Variants in CDC7 observed in about 807,000 individuals in gnomAD.
CDC7 encodes the protein cell division cycle 7, also known as cell division cycle 7-related protein kinase.
In CDC7, 34 loss-of-function variants were observed where a neutral mutation model predicts 53.5. The ratio of observed to expected loss-of-function variants is 0.64; its 90% CI spans 0.48 to 0.85. The LOEUF is 0.85. Among genes scored for constraint, CDC7 ranks in the 40% least tolerant of loss-of-function variants. CDC7 has a pLI of 0.00. For synonymous variants in CDC7, 211 were observed against 222.8 expected, an observed-to-expected ratio of 0.95 and a Z score of 0.47; for missense variants, 594 against 679.7, an observed-to-expected ratio of 0.87 and a Z score of 1.40.
chr1:91,521,392 C>T (rs1667938339), intron 11 of CDC7, among the ~76,000 whole-genome samples: 1 of 152,172 alleles, frequency 6.6e-6, no homozygotes, highest in Admixed American at 6.5e-5. Context: ...GTCTAATCTA[C>T]AAGAAAAACT....
intron 10 of CDC7, among the ~76,000 whole-genome samples, chr1:91,518,908 A>G (rs1667746980): frequency 6.6e-6 from 1 of 151,946 alleles, no homozygotes; most frequent in South Asian, 2.1e-4. Flanking sequence ...AAAAATACAA[A>G]AAAGTAGCTG....
chr1:91,510,437 A>T (rs1306387264), intron 4 of CDC7, among the ~76,000 whole-genome samples: 1 of 152,152 alleles, frequency 6.6e-6, no homozygotes, highest in African/African-American at 2.4e-5. Flanking sequence ...CTATTGCATC[A>T]CTAATGTCTA....
In CDC7 at chr1:91,514,972, A is replaced by G. The variant is rs781431772; in HGVS notation, c.1072A>G (p.Lys358Glu). ...SLTCDCYATD[K>E]VCSICLSRRQ... is the part of the protein sequence containing the mutation. ...GACCTGTGACTGCTATGCAACAGAT[A>G]AAGTTTGTAGTATTTGCCTTTCAAG... is the stretch of plus-strand genomic sequence containing the variant. The change falls in exon 9 of 12, where the codon AAA becomes GAA. Residue 358 changes from lysine (K) to glutamate (E), a missense_variant. Lys to Glu is a moderately conservative substitution (Grantham distance 56). Coordinates refer to ENST00000234626, the MANE Select transcript of CDC7 (RefSeq NM_003503.4). 1.9e-6 allele frequency: 3 copies of G among 1,612,026 alleles called. No homozygotes were observed. Among genetic ancestry groups the G allele is most frequent in the South Asian group, 1.1e-5 (1 of 90,608 alleles).
intron 2 of CDC7, among the ~76,000 whole-genome samples, chr1:91,504,818 A>G (rs1046213933): frequency 5.3e-5 from 8 of 152,224 alleles, no homozygotes; most frequent in African/African-American, 9.6e-5. Flanking sequence ...ATCCATGACA[A>G]GATATTGAAA....
chr1:91,507,174 G>T (rs578081692), intron 2 of CDC7, among the ~76,000 whole-genome samples: 8 of 152,248 alleles, frequency 5.3e-5, no homozygotes, highest in African/African-American at 1.9e-4. Flanking sequence ...GTAGAGCCTA[G>T]ATACTGTAAT....
chr1:91,511,458 T>C (rs1667281860), intron 4 of CDC7, 139 bp from the exon 5 acceptor site: 2 of 545,864 alleles, frequency 3.7e-6, no homozygotes, highest in Non-Finnish European at 6.6e-6. Flanking sequence ...TCACTTGTGT[T>C]TATATTATGT....
At chr1:91,517,361 A>G (rs1374070740) in intron 10 of CDC7, among the ~76,000 whole-genome samples, 1 of 152,156 alleles carries the variant, frequency 6.6e-6, no homozygotes, top group East Asian at 1.9e-4. Flanking sequence ...GAAGGGTTAG[A>G]AAGGCAGAGC....
At chr1:91,520,495 CTG>C (rs56689526) in intron 11 of CDC7, among the ~76,000 whole-genome samples, 4 of 152,228 alleles carry the variant, frequency 2.6e-5, no homozygotes, top group African/African-American at 9.6e-5. Flanking sequence ...AAGTAATACA[CTG>C]TTGCAGTATT....
rs1173784010 is a variant in CDC7, at chr1:91,524,191, A to G, written c.1481A>G (p.Asp494Gly). The part of the protein sequence containing the change: ...SHQPAISEKT[D>G]HKASCLVQTP... ...CAACCAGCTATTTCAGAGAAGACTG[A>G]CCATAAAGCTTCTTGCCTCGTTCAA... The change falls in exon 12 of 12, where the codon GAC (aspartate) becomes GGC (glycine). Residue 494 changes from aspartate to glycine, a missense_variant. By Grantham distance (94) the Asp-to-Gly change is moderately conservative. Coordinates refer to ENST00000234626, the MANE Select transcript of CDC7 (RefSeq NM_003503.4). 16 of 1,613,962 alleles carry G rather than the reference A, an allele frequency of 9.9e-6. No homozygotes were observed. The highest frequency in any genetic ancestry group is 1.3e-5 in the African/African-American group (1 of 74,928).
intron 8 of CDC7, 36 bp from the exon 9 acceptor site, chr1:91,514,783 T>C: frequency 6.7e-7 from 1 of 1,487,342 alleles, no homozygotes; most frequent in South Asian, 1.4e-5. Context: ...ATGTTTAATA[T>C]CATGAAAATA....
chr1:91,507,534 A>G (rs974610941), intron 2 of CDC7, among the ~76,000 whole-genome samples: 4 of 152,192 alleles, frequency 2.6e-5, no homozygotes, highest in Non-Finnish European at 4.4e-5. Flanking sequence ...TGATCACAGC[A>G]CAAATTGTTT....
Position 91,500,907 on chromosome 1 carries a change from C to T in CDC7, c.-105C>T, listed in dbSNP as rs960743351. On this transcript the variant is annotated 5_prime_UTR_variant, in exon 1 of 12. Transcript: ENST00000234626. Reference sequence around the variant, plus strand: ...GTGGGGATCTCTTGGAGACGGCGACCCAGGCATCTGGGGAGCCACAGAAGT... The same window carrying T: ...GTGGGGATCTCTTGGAGACGGCGACTCAGGCATCTGGGGAGCCACAGAAGT... The T allele has an allele frequency of 3.9e-5, 6 of 152,258 alleles. No individual in the cohort carries two copies. Among genetic ancestry groups the T allele is most frequent in the Non-Finnish European group, 7.3e-5 (5 of 68,070 alleles). 9.4% of individuals were successfully genotyped at this position (152,258 alleles called of 1,614,324 possible). A position where few individuals can be genotyped will look rare whatever the true frequency, so the allele number is the denominator to read the frequency against.
chr1:91,518,093 C>CAAA (rs55787737), intron 10 of CDC7, among the ~76,000 whole-genome samples: 13,253 of 45,752 alleles, frequency 0.29, 3,840 homozygotes, highest in East Asian at 0.52. Flanking sequence ...GACTCAGTCT[C>CAAA]AAAAAAAAAA....
At chr1:91,502,206 C>A (rs1023957135) in intron 2 of CDC7, among the ~76,000 whole-genome samples, 1 of 152,164 alleles carries the variant, frequency 6.6e-6, no homozygotes, top group South Asian at 2.1e-4. Flanking sequence ...AAAAGCAGAA[C>A]TCACAGACAA....
chr1:91,503,293 TTACTC>T (rs1218991552), intron 2 of CDC7, among the ~76,000 whole-genome samples: 17 of 152,194 alleles, frequency 1.1e-4, no homozygotes, highest in African/African-American at 3.9e-4. Flanking sequence ...TGCTAAAACT[TTACTC>T]TTATGGTTCT....
intron 4 of CDC7, among the ~76,000 whole-genome samples, chr1:91,509,007 A>G (rs772128378): frequency 1.3e-5 from 2 of 152,132 alleles, no homozygotes; most frequent in African/African-American, 4.8e-5. Flanking sequence ...AGAGTCAATC[A>G]TTACTCTAGG....
At chr1:91,504,046 T>C (rs746926838) in intron 2 of CDC7, among the ~76,000 whole-genome samples, 21 of 152,042 alleles carry the variant, frequency 1.4e-4, no homozygotes, top group Admixed American at 2.0e-4. Flanking sequence ...AATGCTGTAA[T>C]GCACAAACTA....
chr1:91,521,022 A>G (rs752674448), intron 11 of CDC7, among the ~76,000 whole-genome samples: 3 of 152,304 alleles, frequency 2.0e-5, no homozygotes, highest in Admixed American at 6.5e-5. Flanking sequence ...GCTCAGTTAT[A>G]GTTAATACTT....
In CDC7 at chr1:91,512,828, G is replaced by A. The variant is rs553033035; in HGVS notation, c.573-230G>A. ...TCTGCCTTATTAACACAGACCACTG[G>A]AAAAAGAAAATTTGATTGTGGGACA... On this transcript the variant is annotated intron_variant, in intron 6 of 11. Transcript: ENST00000234626. Among the ~76,000 whole-genome samples, 5 of 152,064 alleles carry A rather than the reference G, an allele frequency of 3.3e-5. No individual in the cohort carries two copies. In the South Asian group the frequency reaches 1.0e-3, roughly 32 times the overall value.
Sources: allele counts gnomAD v4.1 joint callset (sites outside exome capture counted in the v4.1 genomes callset), GRCh38; gene constraint gnomAD v4.1.1; transcripts MANE v1.5; gene names NCBI Gene and HGNC (gene_info 2026-07-23, HGNC 2026-07-21).